PLEKHH2: variants seen among roughly 807,000 people sequenced by gnomAD.
PLEKHH2 encodes pleckstrin homology, MyTH4 and FERM domain containing H2.
A neutral mutation model predicts 187.9 loss-of-function variants in PLEKHH2; 129 were observed. That is an observed-to-expected ratio of 0.69 (90% CI 0.59 to 0.79). The LOEUF (loss-of-function observed/expected upper bound fraction) is 0.79. Ranked by LOEUF, PLEKHH2 falls within the 30% of genes least tolerant of loss-of-function variation. PLEKHH2 has a pLI of 0.00. For missense variants in PLEKHH2, 2,076 were observed against 1,751.2 expected, an observed-to-expected ratio of 1.19 and a Z score of -3.31; for synonymous variants, 686 against 605.6, an observed-to-expected ratio of 1.13 and a Z score of -1.95.
chr2:43,746,538 A>G (rs988693083), intron 24 of PLEKHH2, among the ~76,000 whole-genome samples: 9 of 151,880 alleles, frequency 5.9e-5, no homozygotes, highest in Non-Finnish European at 8.8e-5. Context: ...AAAAATACAC[A>G]CACACACACA....
intron 19 of PLEKHH2, among the ~76,000 whole-genome samples, chr2:43,737,439 C>G (rs1671346452): frequency 6.6e-6 from 1 of 152,202 alleles, no homozygotes; most frequent in South Asian, 2.1e-4. Flanking sequence ...TTCCCCAACA[C>G]TTAGTGACTT....
intron 16 of PLEKHH2, 129 bp from the exon 17 acceptor site, chr2:43,726,142 GA>G (rs2104558528): frequency 1.5e-6 from 1 of 661,710 alleles, no homozygotes; most frequent in East Asian, 3.1e-5. Flanking sequence ...AAAAAAAAAG[GA>G]AAATAAAAAA....
At chr2:43,725,148 T>A (rs1311099869) in intron 16 of PLEKHH2, among the ~76,000 whole-genome samples, 1 of 152,176 alleles carries the variant, frequency 6.6e-6, no homozygotes, top group East Asian at 1.9e-4. Flanking sequence ...GAACCAGGTG[T>A]GCTATCTGTA....
At chr2:43,712,486 T>C (rs1019375531) in intron 15 of PLEKHH2, 103 bp downstream of exon 15, 4 of 1,339,166 alleles carry the variant, frequency 3.0e-6, no homozygotes, top group Non-Finnish European at 4.0e-6. Context: ...TGAATATTGA[T>C]ATGATCTTGG....
intron 26 of PLEKHH2, among the ~76,000 whole-genome samples, 197 bp downstream of exon 26, chr2:43,757,461 C>A (rs1265949905): frequency 6.6e-6 from 1 of 150,750 alleles, no homozygotes; most frequent in African/African-American, 2.4e-5. Flanking sequence ...GCTCTGTCGC[C>A]CAGGCTGGAG....
chr2:43,683,402 G>T (rs1572549424), intron 3 of PLEKHH2, among the ~76,000 whole-genome samples: 1 of 151,808 alleles, frequency 6.6e-6, no homozygotes, highest in East Asian at 1.9e-4. Context: ...GCCTCCCAGA[G>T]TGCTGGTGTT....
chr2:43,672,898 A>G (rs1177112518), intron 2 of PLEKHH2, among the ~76,000 whole-genome samples: 1 of 152,168 alleles, frequency 6.6e-6, no homozygotes, highest in East Asian at 1.9e-4. Flanking sequence ...ATGTAATTCC[A>G]TAAAAACAGG....
chr2:43,760,359 C>T (rs535036807), intron 27 of PLEKHH2, among the ~76,000 whole-genome samples: 19,051 of 118,944 alleles, frequency 0.16, 1,642 homozygotes, highest in South Asian at 0.27. Context: ...ACCCTTTAAC[C>T]TTTTTTTTTT....
In PLEKHH2 at chr2:43,710,584, CTTTTTTTTTTTTT is replaced by C. The variant is rs376851824; in HGVS notation, c.2301+21_2301+33del. The C allele has an allele frequency of 8.9e-6, 11 of 1,242,582 alleles. No homozygotes were observed. Among genetic ancestry groups the C allele is most frequent in the Non-Finnish European group, 9.3e-6 (9 of 972,280 alleles). The allele number at this position is 1,242,582 out of a possible 1,614,324, so 77.0% of individuals were successfully genotyped here. ...ACAAACAAACAGTTCAGGTACTTAA[CTTTTTTTTTTTTT>C]TTTTTTTTTTTGTATCATGCCAGAC... On this transcript the variant is annotated intron_variant, in intron 14 of 29. Transcript: ENST00000282406.
intron 2 of PLEKHH2, among the ~76,000 whole-genome samples, chr2:43,659,410 A>G (rs1412852497): frequency 1.3e-5 from 2 of 149,668 alleles, no homozygotes; most frequent in Non-Finnish European, 1.5e-5. Flanking sequence ...TGTTATTCTC[A>G]TTTCATCTCT....
chr2:43,722,313 G>GT (rs1670521517), intron 16 of PLEKHH2, among the ~76,000 whole-genome samples: 1 of 151,626 alleles, frequency 6.6e-6, no homozygotes, highest in Admixed American at 6.6e-5. Flanking sequence ...TATTAGAGAA[G>GT]TTTTATAACT....
At chr2:43,739,051 C>G (rs765198605) in intron 20 of PLEKHH2, among the ~76,000 whole-genome samples, 1 of 152,080 alleles carries the variant, frequency 6.6e-6, no homozygotes, top group Non-Finnish European at 1.5e-5. Flanking sequence ...GCCAACACTC[C>G]CGGCTAATTT....
chr2:43,740,924 T>G lies in PLEKHH2; in HGVS notation c.3124-22T>G, dbSNP rs774797752. The G allele has an allele frequency of 2.4e-5, 38 of 1,611,808 alleles. No homozygotes were observed. The South Asian group carries it at 3.9e-4, about 16-fold the overall frequency. Reference sequence around the variant, plus strand: ...TCTGACTGGCACGTGGTATCTAACCTGTGGTGCTTCTCCCTGCCCAGGGCT... The same window carrying G: ...TCTGACTGGCACGTGGTATCTAACCGGTGGTGCTTCTCCCTGCCCAGGGCT... On this transcript the variant is annotated intron_variant, in intron 20 of 29. Transcript: ENST00000282406.
intron 16 of PLEKHH2, among the ~76,000 whole-genome samples, chr2:43,722,600 T>C (rs545605539): frequency 6.6e-6 from 1 of 152,322 alleles, no homozygotes; most frequent in African/African-American, 2.4e-5. Flanking sequence ...AAGGAGGTTC[T>C]GGCAAATACA....
In PLEKHH2 at chr2:43,765,646, G is replaced by C. The variant is rs754647896; in HGVS notation, c.*48G>C. 1.3e-6 allele frequency: 2 copies of C among 1,567,772 alleles called. No homozygotes were observed. Among genetic ancestry groups the C allele is most frequent in the African/African-American group, 2.7e-5 (2 of 73,430 alleles). ...ACTCCTTGTCCTCCATGCTGTGGCTGTATCAGCTCCCTACAAGTTCGTTTA... is the reference window on the plus strand; with the variant it reads ...ACTCCTTGTCCTCCATGCTGTGGCTCTATCAGCTCCCTACAAGTTCGTTTA... On this transcript the variant is annotated 3_prime_UTR_variant, in exon 30 of 30. Transcript: ENST00000282406.
Position 43,700,206 on chromosome 2 carries a change from G to C in PLEKHH2, c.1248G>C (p.Met416Ile). Reference sequence around the variant, plus strand: ...GCCCTATTTTGACCCCAGCTTTAATGCCAAAGCATCCTAACTCACTCTCTG... The same window carrying C: ...GCCCTATTTTGACCCCAGCTTTAATCCCAAAGCATCCTAACTCACTCTCTG... Reference protein sequence around the residue: ...TPSPILTPALMPKHPNSLSGK... With the variant: ...TPSPILTPALIPKHPNSLSGK... The change falls in exon 8 of 30, where the codon ATG (methionine) becomes ATC (isoleucine). Residue 416 changes from methionine to isoleucine, a missense_variant. By Grantham distance (10) the Met-to-Ile change is conservative. Transcript: ENST00000282406. 1 of 1,614,092 alleles carries C rather than the reference G, an allele frequency of 6.2e-7. No individual in the cohort carries two copies. Among genetic ancestry groups the C allele is most frequent in the Non-Finnish European group, 8.5e-7 (1 of 1,180,004 alleles).
chr2:43,691,469 G>A (rs1668790689), intron 3 of PLEKHH2, among the ~76,000 whole-genome samples: 1 of 152,198 alleles, frequency 6.6e-6, no homozygotes, highest in African/African-American at 2.4e-5. Context: ...AATTAGGAAA[G>A]GGTAGGTATA....
At chr2:43,698,295 C>T (rs1354162168) in intron 7 of PLEKHH2, among the ~76,000 whole-genome samples, 2 of 151,298 alleles carry the variant, frequency 1.3e-5, no homozygotes, top group African/African-American at 4.9e-5. Context: ...TCTCCCAGGC[C>T]GGAGTGCAGT....
At chr2:43,674,477 A>C (rs962579715) in intron 2 of PLEKHH2, among the ~76,000 whole-genome samples, 26 of 152,228 alleles carry the variant, frequency 1.7e-4, no homozygotes, top group African/African-American at 6.3e-4. Context: ...AAAAGACTTA[A>C]TGCTTGTCCA....
Sources: allele counts gnomAD v4.1 joint callset (sites outside exome capture counted in the v4.1 genomes callset), GRCh38; gene constraint gnomAD v4.1.1; transcripts MANE v1.5; gene names NCBI Gene and HGNC (gene_info 2026-07-23, HGNC 2026-07-21).